The following THSD4 variants were observed in gnomAD, a reference collection of about 807,000 sequenced individuals.
THSD4 encodes thrombospondin type 1 domain containing 4, also known as thrombospondin type-1 domain-containing protein 4.
In THSD4, 69 loss-of-function variants were observed where a neutral mutation model predicts 119.0. The observed-to-expected ratio is 0.58, with a 90% confidence interval of 0.48 to 0.71. The LOEUF (loss-of-function observed/expected upper bound fraction) is 0.71, where lower values mean the gene tolerates loss of function less well. Ranked by LOEUF, THSD4 falls within the 30% of genes least tolerant of loss-of-function variation. The probability of loss-of-function intolerance (pLI) is 0.00; values close to 1 mark genes in which losing one functional copy is unlikely to be tolerated. For missense variants in THSD4, 1,393 were observed against 1,391.1 expected (o/e 1.00, Z -0.02); for synonymous variants, 524 against 540.4 (o/e 0.97, Z 0.42).
At chr15:71,268,977 T>G (rs375921261) in intron 6 of THSD4, among the ~76,000 whole-genome samples, 1 of 152,034 alleles carries the variant, frequency 6.6e-6, no homozygotes, top group East Asian at 1.9e-4. Context: ...ATTAATAGCC[T>G]ACCAACCAAA....
rs537014710 is a variant in THSD4, at chr15:71,316,857, A to G, written c.1015+60142A>G. Among the ~76,000 whole-genome samples, 123 of 152,340 alleles carry G rather than the reference A, an allele frequency of 8.1e-4. 3 individuals are homozygous for G. The South Asian group carries it at 0.025, about 31-fold the overall frequency. On this transcript the variant is annotated intron_variant, in intron 6 of 17. Coordinates refer to ENST00000261862, the MANE Select transcript of THSD4 (RefSeq NM_024817.3). The stretch of plus-strand genomic sequence containing the variant: ...ACTGAGCCCATGTTGGGAAAATACC[A>G]AAGTATTATACTTTGTAGTTATCAG...
intron 7 of THSD4, among the ~76,000 whole-genome samples, chr15:71,551,997 C>G (rs1334301511): frequency 6.6e-6 from 1 of 152,198 alleles, no homozygotes; most frequent in African/African-American, 2.4e-5. Context: ...GGAGAGCAGT[C>G]AGGTCTGCAA....
intron 7 of THSD4, among the ~76,000 whole-genome samples, chr15:71,593,631 C>T (rs2049850477): frequency 6.6e-6 from 1 of 152,066 alleles, no homozygotes; most frequent in South Asian, 2.1e-4. Context: ...AATGGTGGCT[C>T]ACACCTGTAA....
At chr15:71,341,572 A>T (rs775485840) in intron 6 of THSD4, 48 of 1,607,856 alleles carry the variant, frequency 3.0e-5, no homozygotes, top group Non-Finnish European at 4.1e-5. Flanking sequence ...CATCTTTCAG[A>T]TACTTCGTGG....
intron 3 of THSD4, among the ~76,000 whole-genome samples, chr15:71,192,523 G>GATCCA (rs2043681155): frequency 6.6e-6 from 1 of 152,096 alleles, no homozygotes; most frequent in Non-Finnish European, 1.5e-5. Flanking sequence ...CCTCAAGTCT[G>GATCCA]CTTGCCTTGG....
At chr15:71,537,528 C>T (rs1037388590) in intron 7 of THSD4, among the ~76,000 whole-genome samples, 2 of 152,098 alleles carry the variant, frequency 1.3e-5, no homozygotes, top group African/African-American at 4.8e-5. Context: ...AGGACAATCT[C>T]CCTATATTAC....
At chr15:71,279,578 G>A (rs1417063568) in intron 6 of THSD4, among the ~76,000 whole-genome samples, 1 of 152,190 alleles carries the variant, frequency 6.6e-6, no homozygotes, top group Non-Finnish European at 1.5e-5. Context: ...TCTCCAGGAG[G>A]GAAGTGTGGA....
chr15:71,587,064 C>T (rs912602075), intron 7 of THSD4, among the ~76,000 whole-genome samples: 1 of 151,542 alleles, frequency 6.6e-6, no homozygotes, highest in African/African-American at 2.4e-5. Context: ...AAATCAAAAC[C>T]ACTATGAGAT....
intron 7 of THSD4, among the ~76,000 whole-genome samples, chr15:71,517,645 A>C (rs546170320): frequency 6.6e-6 from 1 of 152,364 alleles, no homozygotes; most frequent in South Asian, 2.1e-4. Context: ...GTGTTAATGC[A>C]CATAAAACGA....
chr15:71,193,752 GGCAGGAGT>G (rs2043693850), intron 3 of THSD4, among the ~76,000 whole-genome samples: 1 of 152,134 alleles, frequency 6.6e-6, no homozygotes, highest in East Asian at 1.9e-4. Context: ...CTGTTGCCCA[GGCAGGAGT>G]GCAGTGGCGT....
chr15:71,112,114 G>A (rs369812828), upstream of THSD4: 8 of 1,613,370 alleles, frequency 5.0e-6, no homozygotes, highest in Admixed American at 6.7e-5. Flanking sequence ...TCAGCAGTGA[G>A]CCATTCATTC....
intron 6 of THSD4, among the ~76,000 whole-genome samples, chr15:71,336,936 G>A (rs1476086131): frequency 2.0e-5 from 3 of 152,186 alleles, no homozygotes; most frequent in Non-Finnish European, 4.4e-5. Flanking sequence ...ACATGCCTTA[G>A]GGTGGCAAAG....
In THSD4 at chr15:71,154,908, A is replaced by G. The variant is rs1423787067; in HGVS notation, c.75A>G (p.Pro25=). 6.2e-7 allele frequency: 1 copy of G among 1,614,118 alleles called. No individual in the cohort carries two copies. The highest frequency in any genetic ancestry group is 2.2e-5 in the East Asian group (1 of 44,878). ...TGCTTGGATTCCAGTTCGTCTGCCC[A>G]CAGCCCTCCACTCAACACAGGAAGG... ...LLLLGFQFVC[P]QPSTQHRKVP... is the part of the protein sequence containing the mutation. The change falls in exon 3 of 18, where the codon CCA becomes CCG. Residue 25 remains proline, a synonymous_variant. Transcript: ENST00000261862.
chr15:71,231,249 C>G (rs1372757808), intron 4 of THSD4, among the ~76,000 whole-genome samples: 2 of 152,160 alleles, frequency 1.3e-5, no homozygotes, highest in African/African-American at 4.8e-5. Flanking sequence ...TAAATCATCT[C>G]CTGGGGTCGT....
chr15:71,691,516 G>A (rs1239852544), intron 8 of THSD4, among the ~76,000 whole-genome samples: 1 of 152,202 alleles, frequency 6.6e-6, no homozygotes, highest in Non-Finnish European at 1.5e-5. Context: ...GCTGAGTGAG[G>A]CAGTGCCATC....
chr15:71,447,512 TC>T (rs1201382350), intron 7 of THSD4, among the ~76,000 whole-genome samples: 3 of 152,258 alleles, frequency 2.0e-5, no homozygotes, highest in African/African-American at 7.2e-5. Context: ...CCACCTCTCT[TC>T]CTTTTGATGC....
chr15:71,718,678 C>T (rs751514198), intron 8 of THSD4, among the ~76,000 whole-genome samples: 5 of 152,140 alleles, frequency 3.3e-5, no homozygotes, highest in Admixed American at 1.3e-4. Flanking sequence ...ACGCTCCCAG[C>T]GCCCCACAAC....
rs1403080463 is a variant in THSD4 at position 71,777,501 on chromosome 15, C to G, written c.*127C>G. 9.1e-6 allele frequency: 12 copies of G among 1,324,606 alleles called. No homozygotes were observed. The highest frequency in any genetic ancestry group is 1.5e-5 in the African/African-American group (1 of 67,920). 82.1% of individuals were successfully genotyped at this position (1,324,606 alleles called of 1,614,324 possible). A position where few individuals can be genotyped will look rare whatever the true frequency, so the allele number is the denominator to read the frequency against. The stretch of plus-strand genomic sequence containing the variant: ...GCGCTGCCAACCAACTTAGTCACCA[C>G]CCCTGCCTCCGGTGAATGCACCCCG... On this transcript the variant is annotated 3_prime_UTR_variant, in exon 18 of 18. Coordinates refer to ENST00000261862, the MANE Select transcript of THSD4 (RefSeq NM_024817.3).
At chr15:71,371,318 A>G (rs1350246062) in intron 6 of THSD4, among the ~76,000 whole-genome samples, 2 of 152,176 alleles carry the variant, frequency 1.3e-5, no homozygotes, top group Non-Finnish European at 2.9e-5. Flanking sequence ...TGATCCTGTC[A>G]TTATGATGTT....
Sources: allele counts gnomAD v4.1 joint callset (sites outside exome capture counted in the v4.1 genomes callset), GRCh38; gene constraint gnomAD v4.1.1; transcripts MANE v1.5; gene names NCBI Gene and HGNC (gene_info 2026-07-23, HGNC 2026-07-21).